PI4KB: variants seen among roughly 807,000 people sequenced by gnomAD.
PI4KB encodes PtdIns 4-kinase beta.
In PI4KB, 23 loss-of-function variants were observed where a neutral mutation model predicts 81.4. That is an observed-to-expected ratio of 0.28 (90% CI 0.20 to 0.40). The LOEUF (loss-of-function observed/expected upper bound fraction) is 0.40, where lower values mean the gene tolerates loss of function less well. PI4KB is among the 10% of genes least tolerant of loss of function. PI4KB has a pLI of 1.00. For missense variants in PI4KB, 651 were observed against 1,036.6 expected (o/e 0.63, Z 5.11); for synonymous variants, 381 against 406.8 (o/e 0.94, Z 0.76).
At chr1:151,298,443 C>T in intron 9 of PI4KB, 1 of 218,930 alleles carries the variant, frequency 4.6e-6, no homozygotes, top group Non-Finnish European at 9.1e-6. Flanking sequence ...CTCATGGTAC[C>T]ACCTCCTACT....
Position 151,301,890 on chromosome 1 carries a change from T to C in PI4KB, c.1703A>G (p.Asp568Gly). The C allele has an allele frequency of 6.2e-7, 1 of 1,614,086 alleles. No homozygotes were observed. The highest frequency in any genetic ancestry group is 8.5e-7 in the Non-Finnish European group (1 of 1,180,006). Residue 568 changes from aspartate to glycine, a missense_variant, in exon 8 of 12, where the codon GAC becomes GGC. Around this residue, in one of 5 missense-constraint regions of PI4KB, gnomAD observed 246 missense variants for 430.1 expected, o/e 0.57. Transcript: ENST00000368873. ...AAAGGCCAGAAGCTCTTGCCGAAGG[T>C]CATCCCCACACTTGACAATGACTGA... ...LLSVIVKCGD[D>G]LRQELLAFQV...
At chr1:151,301,153 TG>T (rs1475942092) in intron 8 of PI4KB, among the ~76,000 whole-genome samples, 17 of 152,320 alleles carry the variant, frequency 1.1e-4, no homozygotes, top group Admixed American at 9.8e-4. Flanking sequence ...GGCAGGAAGG[TG>T]GTCCCCGGCA....
intron 11 of PI4KB, chr1:151,293,307 G>A (rs1694465892): frequency 1.4e-6 from 2 of 1,381,766 alleles, no homozygotes; most frequent in Middle Eastern, 2.0e-4. Flanking sequence ...GAGGGGCCCA[G>A]AGGGCAGGCT....
intron 10 of PI4KB, 86 bp downstream of exon 10, chr1:151,294,323 A>AT: frequency 6.6e-7 from 1 of 1,524,570 alleles, no homozygotes; most frequent in Non-Finnish European, 8.9e-7. Flanking sequence ...TTCATCCCTA[A>AT]TTTGCAGGGA....
intron 1 of PI4KB, among the ~76,000 whole-genome samples, chr1:151,321,872 T>TAA (rs35519740): frequency 2.2e-4 from 16 of 73,748 alleles, no homozygotes; most frequent in South Asian, 4.5e-4. Flanking sequence ...GACTCTGTCT[T>TAA]AAAAAAAAAA....
chr1:151,316,157 C>T lies in PI4KB; in HGVS notation c.325G>A (p.Ala109Thr), dbSNP rs781415493. Residue 109 changes from alanine (A) to threonine (T), a missense_variant, in exon 2 of 12, where the codon GCC (alanine) becomes ACC (threonine). Transcript: ENST00000368873. ...EEEDEMGAAV[A>T]SGTAKGARRR... ...CTTGCTCCTTTGGCTGTGCCTGAGG[C>T]CACAGCGGCCCCCATCTCATCTTCC... 2.5e-6 allele frequency: 4 copies of T among 1,613,854 alleles called. No individual in the cohort carries two copies. The highest frequency in any genetic ancestry group is 3.4e-6 in the Non-Finnish European group (4 of 1,179,786).
chr1:151,307,702 G>A lies in PI4KB; in HGVS notation c.1054C>T (p.Leu352=). 1 of 1,614,162 alleles carries A rather than the reference G, an allele frequency of 6.2e-7. No homozygotes were observed. Among genetic ancestry groups the A allele is most frequent in the Non-Finnish European group, 8.5e-7 (1 of 1,179,980 alleles). Residue 352 remains leucine (L), a synonymous_variant, in exon 4 of 12, where the codon CTG becomes TTG. Coordinates refer to ENST00000368873, the MANE Select transcript of PI4KB (RefSeq NM_001369623.2). ...TTGAGCAGGGAGAGCTCTGAGATCA[G>A]CCTCTGTGTTTTCTGCTCTTTGGTG... ...LPTKEQKTQR[L]ISELSLLNHK...
intron 5 of PI4KB, 124 bp downstream of exon 5, chr1:151,306,012 C>G: frequency 2.9e-6 from 2 of 695,348 alleles, no homozygotes; most frequent in Non-Finnish European, 5.0e-6. Context: ...CCCTCACTAC[C>G]TACACCACTC....
chr1:151,295,507 G>C (rs1008876889), intron 9 of PI4KB, among the ~76,000 whole-genome samples: 5 of 152,236 alleles, frequency 3.3e-5, no homozygotes, highest in African/African-American at 1.2e-4. Flanking sequence ...GGCCCTGAGA[G>C]AGGAAGTGAT....
intron 6 of PI4KB, among the ~76,000 whole-genome samples, chr1:151,302,995 GTTTTTT>G (rs775167343): frequency 1.9e-5 from 2 of 107,136 alleles, no homozygotes; most frequent in Non-Finnish European, 3.9e-5. Flanking sequence ...GTGCTTTCTT[GTTTTTT>G]TTTTTTTTTT....
chr1:151,296,669 C>G (rs953587532), intron 9 of PI4KB, among the ~76,000 whole-genome samples: 3 of 151,732 alleles, frequency 2.0e-5, no homozygotes, highest in African/African-American at 7.3e-5. Flanking sequence ...GGGGTTTCAC[C>G]GTGTTGGTCA....
chr1:151,315,099 C>T (rs1161466564), intron 2 of PI4KB, among the ~76,000 whole-genome samples: 1 of 152,202 alleles, frequency 6.6e-6, no homozygotes, highest in Non-Finnish European at 1.5e-5. Flanking sequence ...CTGTCTCAGC[C>T]TCCCAAGTAG....
At position 151,315,958 on chromosome 1, in the gene PI4KB, T is replaced by C. The variant is rs774239767; in HGVS notation, c.524A>G (p.Tyr175Cys). Residue 175 changes from tyrosine (Y) to cysteine (C), a missense_variant, in exon 2 of 12, where the codon TAT becomes TGT. Coordinates refer to ENST00000368873, the MANE Select transcript of PI4KB (RefSeq NM_001369623.2). ...FCFRNEDVDFYLPQLLNMYIH... is the reference protein window; with the variant it reads ...FCFRNEDVDFCLPQLLNMYIH... Reference sequence around the variant, plus strand: ...GTACATGTTAAGCAACTGGGGCAGATAGAAGTCCACGTCCTCGTTGCGAAA... The same window carrying C: ...GTACATGTTAAGCAACTGGGGCAGACAGAAGTCCACGTCCTCGTTGCGAAA... 5.6e-6 allele frequency: 9 copies of C among 1,613,034 alleles called. No individual in the cohort carries two copies. The highest frequency in any genetic ancestry group is 1.7e-5 in the Admixed American group (1 of 59,946).
chr1:151,321,113 A>G (rs1648784766), intron 1 of PI4KB, among the ~76,000 whole-genome samples: 1 of 152,236 alleles, frequency 6.6e-6, no homozygotes, highest in African/African-American at 2.4e-5. Context: ...CACAGTATTC[A>G]GAGGATTTTG....
chr1:151,312,651 A>C lies in PI4KB; in HGVS notation c.910-2396T>G, dbSNP rs780494055. Among the ~76,000 whole-genome samples the C allele has an allele frequency of 5.9e-5, 9 of 152,226 alleles. No homozygotes were observed. The East Asian group carries it at 1.7e-3, about 29-fold the overall frequency. ...AATGAATGTTACATGAAAGGGAAGA[A>C]GGATGAGTAAAAGGAAAACCAATTC... On this transcript the variant is annotated intron_variant, in intron 2 of 11. Transcript: ENST00000368873.
At chr1:151,302,995 GTTTTT>G (rs775167343) in intron 6 of PI4KB, among the ~76,000 whole-genome samples, 18 of 107,132 alleles carry the variant, frequency 1.7e-4, no homozygotes, top group Non-Finnish European at 2.7e-4. Context: ...GTGCTTTCTT[GTTTTT>G]TTTTTTTTTT....
chr1:151,293,598 G>A (rs587612673), intron 11 of PI4KB: 1 of 326,188 alleles, frequency 3.1e-6, no homozygotes, highest in East Asian at 1.2e-4. Flanking sequence ...AGACTGTAGT[G>A]GAAGGAGATA....
At chr1:151,300,326 G>C (rs1045883835) in intron 8 of PI4KB, among the ~76,000 whole-genome samples, 6 of 152,342 alleles carry the variant, frequency 3.9e-5, no homozygotes, top group Non-Finnish European at 7.3e-5. Context: ...GATTTCTTCA[G>C]CCAGGAGCGG....
intron 1 of PI4KB, among the ~76,000 whole-genome samples, chr1:151,323,773 T>C (rs1190373859): frequency 1.3e-5 from 2 of 151,462 alleles, no homozygotes; most frequent in Admixed American, 6.6e-5. Context: ...AACAAAGAAA[T>C]AGAGGAACAA....
Sources: gnomAD v4.1 joint callset for allele counts (sites outside exome capture counted in the v4.1 genomes callset) on GRCh38, gnomAD v4.1.1 for gene constraint, gnomAD v4.1.1 regional missense constraint, MANE v1.5 for transcripts, NCBI Gene and HGNC (gene_info 2026-07-23, HGNC 2026-07-21) for gene names.